CEP164: variants seen among roughly 807,000 people sequenced by gnomAD.
CEP164 encodes the protein centrosomal protein of 164 kDa.
Under a neutral mutation model 182.7 loss-of-function variants are expected in CEP164, and 162 were observed. The observed-to-expected ratio is 0.89, with a 90% CI of 0.78 to 1.01. The LOEUF (loss-of-function observed/expected upper bound fraction) is 1.01. Among genes scored for constraint, CEP164 ranks in the 50% least tolerant of loss-of-function variants. CEP164 has a pLI of 0.00. For synonymous variants in CEP164, 661 were observed against 690.0 expected (o/e 0.96, Z 0.66); for missense variants, 1,735 against 1,790.4 (o/e 0.97, Z 0.56).
chr11:117,330,347 C>A (rs2036009138), intron 1 of CEP164, among the ~76,000 whole-genome samples: 1 of 152,290 alleles, frequency 6.6e-6, no homozygotes. Context: ...ATGTCTGGCC[C>A]ATGGTGGGTG....
Position 117,409,796 on chromosome 11 carries a change from C to A in CEP164, c.3927C>A (p.Thr1309=). ...AQLPPRDPKS[T]PTPTYYGSLA... is the part of the protein sequence containing the mutation. ...TCCCTCCCCGGGACCCTAAGAGCACCCCCACCCCCACCTACTATGGCTCCC... is the reference window on the plus strand; with the variant it reads ...TCCCTCCCCGGGACCCTAAGAGCACACCCACCCCCACCTACTATGGCTCCC... Residue 1309 remains threonine (T), a synonymous_variant, in exon 30 of 33, where the codon ACC becomes ACA. Transcript: ENST00000278935. This position sits in a 1 kb window ranked among gnomAD's most constrained non-coding sequence, Gnocchi z 4.4. 3.1e-6 allele frequency: 5 copies of A among 1,610,516 alleles called. No homozygotes were observed. Among genetic ancestry groups the A allele is most frequent in the South Asian group, 1.1e-5 (1 of 90,832 alleles).
rs2045435504 is a variant in CEP164 at position 117,396,196 on chromosome 11, G to C, written c.3216+16G>C. 3 of 1,542,632 alleles carry C rather than the reference G, an allele frequency of 1.9e-6. No individual in the cohort carries two copies. Among genetic ancestry groups the C allele is most frequent in the South Asian group, 2.2e-5 (2 of 90,442 alleles). On this transcript the variant is annotated intron_variant, in intron 25 of 32. Coordinates refer to ENST00000278935, the MANE Select transcript of CEP164 (RefSeq NM_014956.5). ...CCTTGGAACAGTGAGCTGGGGGCTG[G>C]GGCCTGGGGGCTGGGGCACCAGGAT... is the stretch of plus-strand genomic sequence containing the variant.
In CEP164 at chr11:117,382,885, C is replaced by CT. The variant is rs777765411; in HGVS notation, c.1667_1668insT (p.Glu557ArgfsTer4). ...GAGCTGGGCCCTGGGCAGGAAGAGG[C>CT]AGAGGATCCTGAGGAGAAGGTGGCG... is the stretch of plus-strand genomic sequence containing the variant. On this transcript the variant is annotated frameshift_variant, in exon 14 of 33. Transcript: ENST00000278935. LOFTEE classifies it high-confidence loss of function. The CT allele has an allele frequency of 1.2e-6, 2 of 1,613,802 alleles. No individual in the cohort carries two copies. Among genetic ancestry groups the CT allele is most frequent in the Non-Finnish European group, 1.7e-6 (2 of 1,180,006 alleles).
chr11:117,401,065 G>A (rs180877278), intron 27 of CEP164, among the ~76,000 whole-genome samples: 16 of 152,156 alleles, frequency 1.1e-4, no homozygotes, highest in African/African-American at 2.9e-4. Context: ...GTCTTGTGCC[G>A]GTTTTCAAAG....
rs2047327699 is a variant in CEP164, at chr11:117,411,258, G to A, written c.4163+364G>A. ...GAGTCTGGCCTTTGTCTTTGCCCTT[G>A]AGCTCTTGTTTGCTTCCTGTGGCTC... On this transcript the variant is annotated intron_variant, in intron 31 of 32. Coordinates refer to ENST00000278935, the MANE Select transcript of CEP164 (RefSeq NM_014956.5). The surrounding 1 kb of genome is among the most constrained non-coding windows in gnomAD (Gnocchi z 4.4). The A allele has an allele frequency of 1.1e-5, 3 of 271,780 alleles. No homozygotes were observed. The Admixed American group carries it at 1.4e-4, about 13-fold the overall frequency. The allele number at this position is 271,780 out of a possible 1,614,324, so 16.8% of individuals were successfully genotyped here.
In CEP164 at chr11:117,348,225, A is replaced by G. The variant is rs141422470; in HGVS notation, c.195-3565A>G. On this transcript the variant is annotated intron_variant, in intron 4 of 32. Coordinates refer to ENST00000278935, the MANE Select transcript of CEP164 (RefSeq NM_014956.5). ...AAGCTCAAGCAATTTGCCTGCCTTG[A>G]TCTCCTAGAGTGTTGGGGTTACAGG... Among the ~76,000 whole-genome samples, 20 of 151,986 alleles carry G rather than the reference A, an allele frequency of 1.3e-4. 1 individual carries two copies. The highest frequency in any genetic ancestry group is 3.4e-3 in the Middle Eastern group (1 of 294).
rs201736952 is a variant in CEP164 at position 117,395,527 on chromosome 11, A to G, written c.2914-20A>G. ...CTCTGTGCTGTCTCTGGGTGCTTCT[A>G]TCTTTCCTTTTGCCCCTAGGAAGCC... On this transcript the variant is annotated intron_variant, in intron 23 of 32. Transcript: ENST00000278935. The G allele has an allele frequency of 4.2e-5, 67 of 1,596,762 alleles. No homozygotes were observed. The African/African-American group carries it at 4.8e-4, about 12-fold the overall frequency.
At chr11:117,395,070 C>T in intron 22 of CEP164, 53 bp from the exon 23 acceptor site, 1 of 1,612,052 alleles carries the variant, frequency 6.2e-7, no homozygotes, top group Non-Finnish European at 8.5e-7. Context: ...AGGCTCTGCC[C>T]CTCAGACCTG....
Position 117,397,089 on chromosome 11 carries a change from A to T in CEP164, c.3279-2A>T. On this transcript the variant is annotated splice_acceptor_variant, in intron 26 of 32. Transcript: ENST00000278935. LOFTEE classifies it high-confidence loss of function. ...TTTCCTTCTTCAACTCTCCTGCTCC[A>T]GCCTGTCCTCCCACAATGTCTGGCA... 1 of 1,613,472 alleles carries T rather than the reference A, an allele frequency of 6.2e-7. No individual in the cohort carries two copies. Among genetic ancestry groups the T allele is most frequent in the South Asian group, 1.1e-5 (1 of 90,978 alleles).
chr11:117,400,931 A>G (rs2046063812), intron 27 of CEP164, among the ~76,000 whole-genome samples: 1 of 152,218 alleles, frequency 6.6e-6, no homozygotes. Flanking sequence ...GTCATCTGCA[A>G]ACAGAAACCA....
chr11:117,386,004 A>G (rs1490088444), intron 14 of CEP164: 8 of 152,100 alleles, frequency 5.3e-5, no homozygotes, highest in African/African-American at 1.7e-4. Flanking sequence ...GCTGCTTTCC[A>G]TCTGCAGCGG....
At chr11:117,363,789 A>G (rs1425692873) in intron 8 of CEP164, among the ~76,000 whole-genome samples, 1 of 80,418 alleles carries the variant, frequency 1.2e-5, no homozygotes, top group African/African-American at 5.5e-5. Flanking sequence ...TTTTTTTTTA[A>G]GAGACAGAGC....
At chr11:117,332,597 A>G (rs2036402060) in intron 1 of CEP164, among the ~76,000 whole-genome samples, 1 of 152,166 alleles carries the variant, frequency 6.6e-6, no homozygotes, top group African/African-American at 2.4e-5. Context: ...AAGAAAGAAA[A>G]AATAATAATA....
At chr11:117,366,629 A>C (rs1295672244) in intron 8 of CEP164, among the ~76,000 whole-genome samples, 1 of 152,234 alleles carries the variant, frequency 6.6e-6, no homozygotes, top group Admixed American at 6.5e-5. Context: ...GGATGATGTC[A>C]GTGCGATTGG....
Position 117,394,254 on chromosome 11 carries a change from C to A in CEP164, c.2617-96C>A. The A allele has an allele frequency of 6.7e-7, 1 of 1,489,112 alleles. No homozygotes were observed. Among genetic ancestry groups the A allele is most frequent in the Non-Finnish European group, 9.1e-7 (1 of 1,100,984 alleles). 92.2% of individuals were successfully genotyped at this position (1,489,112 alleles called of 1,614,324 possible). ...TTAGGGAGCCGATGGTGTCCCTGAT[C>A]TTACTGATGCAAGGCTGCAGGGCTA... On this transcript the variant is annotated intron_variant, in intron 20 of 32. Coordinates refer to ENST00000278935, the MANE Select transcript of CEP164 (RefSeq NM_014956.5). This position sits in a 1 kb window ranked among gnomAD's most constrained non-coding sequence, Gnocchi z 4.0.
chr11:117,380,471 C>A, intron 11 of CEP164, 143 bp from the exon 12 acceptor site: 1 of 660,234 alleles, frequency 1.5e-6, no homozygotes, highest in Non-Finnish European at 2.6e-6. Flanking sequence ...GTAGATCAAC[C>A]TTCTGTTCTA....
intron 27 of CEP164, among the ~76,000 whole-genome samples, chr11:117,401,220 C>G (rs909273835): frequency 1.3e-5 from 2 of 152,122 alleles, no homozygotes; most frequent in Non-Finnish European, 2.9e-5. Flanking sequence ...TTATCGAAGG[C>G]CTTTTCTGCA....
At chr11:117,375,378 G>C (rs769824189) in intron 10 of CEP164, among the ~76,000 whole-genome samples, 39 of 152,174 alleles carry the variant, frequency 2.6e-4, no homozygotes, top group Admixed American at 6.5e-5. Flanking sequence ...GAGGGAAAGA[G>C]TTTTAGTCTC....
intron 30 of CEP164, 64 bp from the exon 31 acceptor site, chr11:117,410,764 A>AG: frequency 1.5e-6 from 2 of 1,377,740 alleles, no homozygotes. Flanking sequence ...GGGAGGCAAG[A>AG]GGTGCTGGTG....
Sources: allele counts gnomAD v4.1 joint callset (sites outside exome capture counted in the v4.1 genomes callset), GRCh38; gene constraint gnomAD v4.1.1; non-coding constraint Gnocchi (gnomAD v3.1); transcripts MANE v1.5; gene names NCBI Gene and HGNC (gene_info 2026-07-23, HGNC 2026-07-21).